GALNT13: variants seen among roughly 807,000 people sequenced by gnomAD.
GALNT13 encodes the protein UDP-GalNAc:polypeptide N-acetylgalactosaminyltransferase 13.
In GALNT13, 28 loss-of-function variants were observed where a neutral mutation model predicts 64.2. That is an observed-to-expected ratio of 0.44 (90% CI 0.32 to 0.60). The LOEUF (loss-of-function observed/expected upper bound fraction) is 0.60, where lower values mean the gene tolerates loss of function less well. Ranked by LOEUF, GALNT13 falls within the 20% of genes least tolerant of loss-of-function variation. The probability of loss-of-function intolerance (pLI) is 0.05; values close to 1 mark genes in which losing one functional copy is unlikely to be tolerated. For synonymous variants in GALNT13, 214 were observed against 224.6 expected (o/e 0.95, Z 0.42); for missense variants, 577 against 669.8 (o/e 0.86, Z 1.53).
At chr2:154,199,983 T>C (rs902843974) in intron 4 of GALNT13, among the ~76,000 whole-genome samples, 1 of 152,182 alleles carries the variant, frequency 6.6e-6, no homozygotes, top group Admixed American at 6.6e-5. Context: ...CACAGTTGCA[T>C]GTTCCATATA....
At chr2:153,181,753 T>G in the GALNT13 span, among the ~76,000 whole-genome samples, 1 of 145,642 alleles carries the variant, frequency 6.9e-6, no homozygotes, top group Non-Finnish European at 1.5e-5. Flanking sequence ...TATACATATT[T>G]ATATGTATAT....
intron 3 of GALNT13, among the ~76,000 whole-genome samples, chr2:154,111,969 G>A (rs535964415): frequency 5.9e-5 from 9 of 152,254 alleles, no homozygotes; most frequent in African/African-American, 1.9e-4. Context: ...TTGCTGTGTG[G>A]AATACCATGA....
intron 10 of GALNT13, among the ~76,000 whole-genome samples, chr2:154,408,167 G>T (rs955428253): frequency 3.3e-5 from 5 of 151,944 alleles, no homozygotes; most frequent in Admixed American, 2.0e-4. Context: ...AAGGTTGAAG[G>T]TTTTTTTCTT....
intron 3 of GALNT13, among the ~76,000 whole-genome samples, chr2:154,128,133 G>A (rs1481367441): frequency 6.6e-6 from 1 of 152,034 alleles, no homozygotes; most frequent in Non-Finnish European, 1.5e-5. Flanking sequence ...CTGATGAGTT[G>A]TGAGAAAGAG....
intron 8 of GALNT13, chr2:154,287,480 T>G (rs1442474888): frequency 3.0e-6 from 1 of 332,858 alleles, no homozygotes; most frequent in Non-Finnish European, 5.8e-6. Context: ...CCAGTGATTC[T>G]TAACAATGCT....
At chr2:154,417,489 TTTTATTTA>T (rs59851032) in intron 11 of GALNT13, among the ~76,000 whole-genome samples, 1 of 132,320 alleles carries the variant, frequency 7.6e-6, no homozygotes, top group African/African-American at 2.9e-5. Flanking sequence ...CTTGCCATGC[TTTTATTTA>T]TTTATTTATT....
intron 9 of GALNT13, among the ~76,000 whole-genome samples, chr2:154,330,650 C>G (rs1695119324): frequency 6.6e-6 from 1 of 152,022 alleles, no homozygotes; most frequent in Non-Finnish European, 1.5e-5. Context: ...CACTTGCTTC[C>G]AGAAATCTCT....
intron 9 of GALNT13, among the ~76,000 whole-genome samples, chr2:154,392,326 T>C (rs1420066624): frequency 6.6e-6 from 1 of 152,056 alleles, no homozygotes. Flanking sequence ...AATGTAACCA[T>C]GTATGGGAAA....
chr2:153,964,562 A>G (rs2105104727), intron 3 of GALNT13, among the ~76,000 whole-genome samples: 1 of 152,270 alleles, frequency 6.6e-6, no homozygotes, highest in African/African-American at 2.4e-5. Flanking sequence ...TTTAAAATTC[A>G]TTATATATTA....
Position 153,875,430 on chromosome 2 carries a change from T to C in GALNT13, c.-177+3127T>C, listed in dbSNP as rs1686296035. Among the ~76,000 whole-genome samples the C allele has an allele frequency of 2.0e-5, 3 of 152,216 alleles. No homozygotes were observed. In the South Asian group the frequency reaches 6.2e-4, roughly 31 times the overall value. On this transcript the variant is annotated intron_variant, in intron 1 of 12. Coordinates refer to ENST00000392825, the MANE Select transcript of GALNT13 (RefSeq NM_052917.4). ...CTGATATTGTTTGAGAGACCTTCTA[T>C]TTGTTTTACAGGTTTAACTTATGCA...
At chr2:153,849,360 TG>T in the GALNT13 span, among the ~76,000 whole-genome samples, 1 of 152,226 alleles carries the variant, frequency 6.6e-6, no homozygotes, top group African/African-American at 2.4e-5. Flanking sequence ...CTATAATGTC[TG>T]CTTTTGTACC....
At chr2:154,200,241 T>C (rs1283930378) in intron 4 of GALNT13, among the ~76,000 whole-genome samples, 1 of 152,004 alleles carries the variant, frequency 6.6e-6, no homozygotes, top group Admixed American at 6.6e-5. Context: ...ACTTATGTAA[T>C]GCATAATTTT....
At chr2:154,396,201 A>AT (rs1699045961) in intron 10 of GALNT13, 71 bp downstream of exon 10, 4 of 981,670 alleles carry the variant, frequency 4.1e-6, no homozygotes, top group Non-Finnish European at 5.7e-6. Context: ...GGAGCTCAGT[A>AT]TTTTTTATGT....
intron 3 of GALNT13, among the ~76,000 whole-genome samples, chr2:154,125,189 C>T (rs547901303): frequency 6.6e-6 from 1 of 152,116 alleles, no homozygotes; most frequent in African/African-American, 2.4e-5. Context: ...TTACCTCTTT[C>T]GTTATTGTAT....
chr2:153,637,888 C>T, the GALNT13 span, among the ~76,000 whole-genome samples: 1 of 151,170 alleles, frequency 6.6e-6, no homozygotes, highest in African/African-American at 2.5e-5. Flanking sequence ...TATGTTTATT[C>T]ATTTATTTCT....
At chr2:153,098,653 T>G in the GALNT13 span, among the ~76,000 whole-genome samples, 1 of 152,212 alleles carries the variant, frequency 6.6e-6, no homozygotes, top group Non-Finnish European at 1.5e-5. Flanking sequence ...CTATATAGTA[T>G]TCCATTGAAT....
intron 4 of GALNT13, among the ~76,000 whole-genome samples, chr2:154,174,770 C>T (rs921099125): frequency 2.6e-5 from 4 of 152,020 alleles, no homozygotes; most frequent in East Asian, 1.9e-4. Flanking sequence ...AAATCAACTA[C>T]GTATATGGGA....
At chr2:153,403,718 T>C in the GALNT13 span, among the ~76,000 whole-genome samples, 2 of 152,282 alleles carry the variant, frequency 1.3e-5, no homozygotes, top group East Asian at 3.9e-4. Flanking sequence ...CCCCTTTTTT[T>C]GACTCGGAAA....
At chr2:154,428,230 C>T (rs115091401) in intron 11 of GALNT13, among the ~76,000 whole-genome samples, 387 of 152,274 alleles carry the variant, frequency 2.5e-3, no homozygotes, top group African/African-American at 8.9e-3. Flanking sequence ...TGGCAAATAG[C>T]AGAGCTTCAG....
Sources: gnomAD v4.1 joint callset for allele counts (sites outside exome capture counted in the v4.1 genomes callset) on GRCh38, gnomAD v4.1.1 for gene constraint, MANE v1.5 for transcripts, NCBI Gene and HGNC (gene_info 2026-07-23, HGNC 2026-07-21) for gene names.